Variants in PAICS observed in about 807,000 individuals in gnomAD.
The protein encoded by PAICS is bifunctional phosphoribosylaminoimidazole carboxylase/phosphoribosylaminoimidazole succinocarboxamide synthetase.
PAICS carries 33 observed loss-of-function variants against 53.7 expected under a neutral mutation model. The observed-to-expected ratio is 0.61, with a 90% CI of 0.47 to 0.82. The LOEUF (loss-of-function observed/expected upper bound fraction) is 0.82, where lower values mean the gene tolerates loss of function less well. Ranked by LOEUF, PAICS falls within the 40% of genes least tolerant of loss-of-function variation. PAICS has a pLI of 0.00. For synonymous variants in PAICS, 141 were observed against 167.2 expected (o/e 0.84, Z 1.21); for missense variants, 394 against 494.1 (o/e 0.80, Z 1.92).
chr4:56,447,311 A>G (rs950158220), intron 3 of PAICS, among the ~76,000 whole-genome samples: 9 of 152,170 alleles, frequency 5.9e-5, no homozygotes, highest in Non-Finnish European at 1.3e-4. Context: ...TGTTAAGCAT[A>G]GATCTGCTTG....
At chr4:56,454,215 A>G (rs1305117012) in intron 8 of PAICS, among the ~76,000 whole-genome samples, 1 of 152,164 alleles carries the variant, frequency 6.6e-6, no homozygotes, top group Non-Finnish European at 1.5e-5. Context: ...GATTGGTGGA[A>G]GGAAAGGGGA....
chr4:56,448,417 G>A lies in PAICS; in HGVS notation c.394-1G>A, dbSNP rs1479682306. The A allele has an allele frequency of 1.3e-6, 2 of 1,572,088 alleles. No homozygotes were observed. The highest frequency in any genetic ancestry group is 1.7e-4 in the Middle Eastern group (1 of 5,856). ...ATTGTACTACTATACTTTATTCACA[G>A]GATGATGCCAATAATGACCCACAGT... On this transcript the variant is annotated splice_acceptor_variant, in intron 3 of 8. Transcript: ENST00000512576. LOFTEE classifies it high-confidence loss of function.
At chr4:56,442,099 T>C (rs750586556) in intron 2 of PAICS, 10 of 421,028 alleles carry the variant, frequency 2.4e-5, no homozygotes, top group Non-Finnish European at 3.8e-5. Flanking sequence ...ATCTGGCACA[T>C]GCACTCTCTG....
At position 56,450,713 on chromosome 4, in the gene PAICS, T is replaced by C. The variant is rs889338667; in HGVS notation, c.771+11T>C. 1.5e-6 allele frequency: 2 copies of C among 1,299,826 alleles called. No homozygotes were observed. Among genetic ancestry groups the C allele is most frequent in the Non-Finnish European group, 1.1e-6 (1 of 916,878 alleles). The allele number at this position is 1,299,826 out of a possible 1,614,324, so 80.5% of individuals were successfully genotyped here. ...GCAGAGAGAGTAGAGGTAAACCTTC[T>C]ATAGTAAAACTGTATGTATTATGTG... On this transcript the variant is annotated intron_variant, in intron 6 of 8. Transcript: ENST00000512576.
At chr4:56,436,192 TGGCGCAGGGTCGCGCGGCCCCGCCTC>T, upstream of PAICS, 2 of 1,513,954 alleles carry the variant, frequency 1.3e-6, no homozygotes, top group Non-Finnish European at 1.8e-6. Flanking sequence ...TCGAAAAGAG[TGGCGCAGGGTCGCGCGGCCCCGCCTC>T]CTTCCCCGCC....
At chr4:56,410,578 G>C in the PAICS span, 1 of 985,906 alleles carries the variant, frequency 1.0e-6, no homozygotes, top group Non-Finnish European at 1.2e-6. Flanking sequence ...TAAGTGTCTG[G>C]GCAGAAAAAA....
At chr4:56,431,365 A>T, upstream of PAICS, 1 of 752,790 alleles carries the variant, frequency 1.3e-6, no homozygotes, top group African/African-American at 1.9e-5. Context: ...GACTGAGTGC[A>T]TCTCTCATTC....
the PAICS span, among the ~76,000 whole-genome samples, chr4:56,428,306 C>A: frequency 1.3e-5 from 2 of 151,926 alleles, no homozygotes; most frequent in African/African-American, 4.8e-5. Flanking sequence ...AACACAGAGG[C>A]CGGAAAATAC....
At chr4:56,450,782 G>A (rs905235020) in intron 6 of PAICS, 80 bp downstream of exon 6, 3 of 742,132 alleles carry the variant, frequency 4.0e-6, no homozygotes, top group Non-Finnish European at 7.1e-6. Flanking sequence ...AAAAAAATGG[G>A]AGAGTATAGT....
intron 2 of PAICS, among the ~76,000 whole-genome samples, 160 bp from the exon 3 acceptor site, chr4:56,446,530 TGAGTC>T (rs1182583510): frequency 6.6e-6 from 1 of 152,214 alleles, no homozygotes; most frequent in Non-Finnish European, 1.5e-5. Flanking sequence ...GCTTACTGTT[TGAGTC>T]AACAACTGAC....
intron 8 of PAICS, among the ~76,000 whole-genome samples, chr4:56,454,897 C>G (rs1313880870): frequency 1.3e-5 from 2 of 152,022 alleles, no homozygotes; most frequent in Non-Finnish European, 2.9e-5. Context: ...GTGGCTCATG[C>G]CTGTCATCCC....
chr4:56,436,059 G>T, upstream of PAICS: 1 of 1,498,496 alleles, frequency 6.7e-7, no homozygotes, highest in African/African-American at 1.4e-5. Context: ...GCGCGGGGCG[G>T]CCCGGAGGCG....
At chr4:56,419,154 T>C in the PAICS span, among the ~76,000 whole-genome samples, 2,088 of 152,226 alleles carry the variant, frequency 0.014, 52 homozygotes, top group African/African-American at 0.047. Flanking sequence ...TAGACTGATA[T>C]ATAGCCAAAG....
intron 1 of PAICS, among the ~76,000 whole-genome samples, chr4:56,441,082 T>C (rs1033937020): frequency 1.3e-5 from 2 of 152,208 alleles, no homozygotes; most frequent in African/African-American, 4.8e-5. Context: ...CTTCCAAATG[T>C]GCTAACTTCA....
Position 56,448,763 on chromosome 4 carries a change from T to C in PAICS, c.627T>C (p.Ile209=). Residue 209 remains isoleucine, a synonymous_variant, in exon 5 of 9, where the codon ATT becomes ATC. Coordinates refer to ENST00000512576, the MANE Select transcript of PAICS (RefSeq NM_001079524.2). ...TTKEIVLADV[I]DNDSWRLWPS... Reference sequence around the variant, plus strand: ...AAGAAATTGTTCTTGCTGATGTTATTGACAATGATTCCTGGAGACTCTGGC... The same window carrying C: ...AAGAAATTGTTCTTGCTGATGTTATCGACAATGATTCCTGGAGACTCTGGC... The C allele has an allele frequency of 6.3e-7, 1 of 1,599,662 alleles. No homozygotes were observed. The highest frequency in any genetic ancestry group is 8.5e-7 in the Non-Finnish European group (1 of 1,172,020).
the PAICS span, among the ~76,000 whole-genome samples, chr4:56,413,998 T>C: frequency 6.6e-6 from 1 of 152,216 alleles, no homozygotes; most frequent in African/African-American, 2.4e-5. Flanking sequence ...TGCATTTGTT[T>C]AATTACCAGT....
chr4:56,438,371 T>TATATATATA (rs1718133599), intron 1 of PAICS, among the ~76,000 whole-genome samples: 60 of 113,668 alleles, frequency 5.3e-4, no homozygotes, highest in Non-Finnish European at 8.0e-4. Flanking sequence ...TGCAATGTGT[T>TATATATATA]TATATATATA....
At chr4:56,434,110 A>T (rs1170810646), upstream of PAICS, among the ~76,000 whole-genome samples, 1 of 152,246 alleles carries the variant, frequency 6.6e-6, no homozygotes, top group Non-Finnish European at 1.5e-5. Flanking sequence ...AAAAACAAGA[A>T]ATCTATTATG....
intron 8 of PAICS, among the ~76,000 whole-genome samples, chr4:56,454,412 TGTTA>T (rs1275669908): frequency 6.6e-6 from 1 of 152,194 alleles, no homozygotes; most frequent in Non-Finnish European, 1.5e-5. Context: ...CAGGAATTTC[TGTTA>T]GTTGTTGGTA....
Sources: allele counts gnomAD v4.1 joint callset (sites outside exome capture counted in the v4.1 genomes callset), GRCh38; gene constraint gnomAD v4.1.1; transcripts MANE v1.5; gene names NCBI Gene and HGNC (gene_info 2026-07-23, HGNC 2026-07-21).